Variants in ZZZ3 observed in about 807,000 individuals in gnomAD.
ZZZ3 encodes the protein zinc finger ZZ-type containing 3.
Under a neutral mutation model 95.2 loss-of-function variants are expected in ZZZ3, and 22 were observed. That is an observed-to-expected ratio of 0.23 (90% CI 0.17 to 0.33). The LOEUF (loss-of-function observed/expected upper bound fraction) is 0.33, where lower values mean the gene tolerates loss of function less well. Among genes scored for constraint, ZZZ3 ranks in the 10% least tolerant of loss-of-function variants. The pLI is 1.00. For missense variants in ZZZ3, 885 were observed against 1,066.5 expected (o/e 0.83, Z 2.37); for synonymous variants, 335 against 358.9 (o/e 0.93, Z 0.75).
At chr1:77,658,234 T>C (rs1279076560) in intron 1 of ZZZ3, among the ~76,000 whole-genome samples, 6 of 151,806 alleles carry the variant, frequency 4.0e-5, no homozygotes, top group Admixed American at 3.3e-4. Context: ...CTTCCATTCT[T>C]ATTTCAATGT....
rs1367413972 is a variant in ZZZ3 at position 77,633,075 on chromosome 1, C to T, written c.280G>A (p.Asp94Asn). The T allele has an allele frequency of 6.2e-7, 1 of 1,613,918 alleles. No homozygotes were observed. The highest frequency in any genetic ancestry group is 2.2e-5 in the East Asian group (1 of 44,882). Reference protein sequence around the residue: ...RKRGLSSSEKDNIERQAIENC... With the variant: ...RKRGLSSSEKNNIERQAIENC... ...TCTATAGCCTGCCTTTCTATGTTAT[C>T]CTTTTCTGAAGAAGAAAGTCCTCTT... Residue 94 changes from aspartate (D) to asparagine (N), a missense_variant, in exon 5 of 15, where the codon GAT (aspartate) becomes AAT (asparagine). Physicochemically the swap from Asp to Asn is conservative, Grantham distance 23 (BLOSUM62 1). Transcript: ENST00000370801.
At chr1:77,652,584 C>T (rs1669906025) in intron 1 of ZZZ3, among the ~76,000 whole-genome samples, 1 of 152,162 alleles carries the variant, frequency 6.6e-6, no homozygotes, top group South Asian at 2.1e-4. Context: ...CCAGAAATTC[C>T]ATTCTTAGGT....
intron 9 of ZZZ3, chr1:77,579,980 G>T: frequency 6.4e-6 from 1 of 155,094 alleles, no homozygotes; most frequent in Non-Finnish European, 1.4e-5. Flanking sequence ...AAGAAAAGAT[G>T]GTCAATCTTT....
At chr1:77,671,144 T>C (rs1303717312) in intron 1 of ZZZ3, among the ~76,000 whole-genome samples, 2 of 152,178 alleles carry the variant, frequency 1.3e-5, no homozygotes, top group Admixed American at 1.3e-4. Flanking sequence ...TCAAAATAAT[T>C]ATGAAATCCT....
At chr1:77,585,859 C>T (rs1171517447) in intron 5 of ZZZ3, among the ~76,000 whole-genome samples, 2 of 152,224 alleles carry the variant, frequency 1.3e-5, no homozygotes, top group Non-Finnish European at 2.9e-5. Context: ...TATCAGAATA[C>T]TTTTCACAGC....
intron 5 of ZZZ3, among the ~76,000 whole-genome samples, chr1:77,621,102 T>C (rs558514764): frequency 6.6e-6 from 1 of 152,162 alleles, no homozygotes; most frequent in Non-Finnish European, 1.5e-5. Context: ...TGGTAAATAA[T>C]TTAAAGATAA....
At chr1:77,594,275 T>A (rs945318365) in intron 5 of ZZZ3, among the ~76,000 whole-genome samples, 4 of 152,172 alleles carry the variant, frequency 2.6e-5, no homozygotes, top group Non-Finnish European at 5.9e-5. Context: ...AAGGAAATTA[T>A]CAGGAATATT....
At chr1:77,656,348 G>C (rs891353613) in intron 1 of ZZZ3, among the ~76,000 whole-genome samples, 2 of 152,054 alleles carry the variant, frequency 1.3e-5, no homozygotes, top group African/African-American at 2.4e-5. Flanking sequence ...TTTAAGGCCA[G>C]TGACAGGTAA....
intron 5 of ZZZ3, among the ~76,000 whole-genome samples, chr1:77,610,484 C>T (rs868617872): frequency 6.6e-6 from 1 of 151,746 alleles, no homozygotes; most frequent in Admixed American, 6.6e-5. Flanking sequence ...TACCCTGATA[C>T]TCAAACCAGA....
intron 5 of ZZZ3, among the ~76,000 whole-genome samples, chr1:77,624,969 G>A (rs943867486): frequency 6.6e-6 from 1 of 152,156 alleles, no homozygotes; most frequent in Admixed American, 6.5e-5. Context: ...CCACAAATCT[G>A]GTCACAGAAG....
At chr1:77,665,201 A>G (rs961715260) in intron 1 of ZZZ3, among the ~76,000 whole-genome samples, 3 of 152,250 alleles carry the variant, frequency 2.0e-5, no homozygotes, top group African/African-American at 7.2e-5. Flanking sequence ...TTCAGAAGAA[A>G]CCAACATCAA....
At chr1:77,641,706 A>C in intron 1 of ZZZ3, 51 bp from the exon 2 acceptor site, 3 of 395,500 alleles carry the variant, frequency 7.6e-6, no homozygotes, top group Non-Finnish European at 1.3e-5. Context: ...ACCGTTTACA[A>C]ATTTGTGAAT....
intron 5 of ZZZ3, among the ~76,000 whole-genome samples, chr1:77,621,784 T>C (rs1219191460): frequency 1.3e-5 from 2 of 151,804 alleles, no homozygotes; most frequent in Admixed American, 1.3e-4. Context: ...ACCACTGTAC[T>C]CCAGCCTGGG....
At chr1:77,596,318 C>G (rs921313540) in intron 5 of ZZZ3, among the ~76,000 whole-genome samples, 3 of 152,036 alleles carry the variant, frequency 2.0e-5, no homozygotes, top group African/African-American at 7.2e-5. Context: ...GGCAAAACTA[C>G]AGAGACAATA....
chr1:77,578,926 G>A lies in ZZZ3; in HGVS notation c.2083-57C>T, dbSNP rs527549685. The A allele has an allele frequency of 1.4e-5, 16 of 1,133,690 alleles. 1 individual carries two copies. In the South Asian group the frequency reaches 1.8e-4, roughly 13 times the overall value. 70.2% of individuals were successfully genotyped at this position (1,133,690 alleles called of 1,614,324 possible). A position where few individuals can be genotyped will look rare whatever the true frequency, so the allele number is the denominator to read the frequency against. ...TGAGATGACATACAATACCTGAGTCGTTTTTAAAAATTAAAACGTACATGA... is the reference window on the plus strand; with the variant it reads ...TGAGATGACATACAATACCTGAGTCATTTTTAAAAATTAAAACGTACATGA... On this transcript the variant is annotated intron_variant, in intron 10 of 14. Transcript: ENST00000370801.
chr1:77,666,075 G>C (rs561621811), intron 1 of ZZZ3, among the ~76,000 whole-genome samples: 1 of 152,252 alleles, frequency 6.6e-6, no homozygotes, highest in East Asian at 1.9e-4. Flanking sequence ...AATCCTACTT[G>C]TTGAAATTTA....
chr1:77,624,068 T>G (rs1158314873), intron 5 of ZZZ3, among the ~76,000 whole-genome samples: 1 of 152,212 alleles, frequency 6.6e-6, no homozygotes, highest in Non-Finnish European at 1.5e-5. Context: ...ACAACATTCC[T>G]AAGCCTACTT....
At chr1:77,572,303 T>C (rs1347570422) in intron 12 of ZZZ3, among the ~76,000 whole-genome samples, 3 of 152,156 alleles carry the variant, frequency 2.0e-5, no homozygotes, top group Non-Finnish European at 4.4e-5. Flanking sequence ...TTGGGTTTTG[T>C]TTTTTGTGGG....
At chr1:77,625,870 G>A (rs1260488338) in intron 5 of ZZZ3, among the ~76,000 whole-genome samples, 1 of 151,428 alleles carries the variant, frequency 6.6e-6, no homozygotes, top group Non-Finnish European at 1.5e-5. Flanking sequence ...GTGGTGGCAC[G>A]TCTGTAATCC....
Sources: allele counts gnomAD v4.1 joint callset (sites outside exome capture counted in the v4.1 genomes callset), GRCh38; gene constraint gnomAD v4.1.1; transcripts MANE v1.5; gene names NCBI Gene and HGNC (gene_info 2026-07-23, HGNC 2026-07-21).